The following PARD3 variants were observed in gnomAD, a reference collection of about 807,000 sequenced individuals.
The protein encoded by PARD3 is par-3 family cell polarity regulator.
Under a neutral mutation model 155.4 loss-of-function variants are expected in PARD3, and 75 were observed. The observed-to-expected ratio is 0.48, with a 90% CI of 0.40 to 0.58. The LOEUF is 0.58. Among genes scored for constraint, PARD3 ranks in the 20% least tolerant of loss-of-function variants. The probability of loss-of-function intolerance (pLI) is 0.00; values close to 1 mark genes in which losing one functional copy is unlikely to be tolerated. For synonymous variants in PARD3, 576 were observed against 610.5 expected (o/e 0.94, Z 0.83); for missense variants, 1,642 against 1,721.7 (o/e 0.95, Z 0.82).
At chr10:34,785,991 A>C (rs185705055) in intron 1 of PARD3, among the ~76,000 whole-genome samples, 2 of 152,164 alleles carry the variant, frequency 1.3e-5, no homozygotes, top group Non-Finnish European at 2.9e-5. Context: ...CTGTCTCAAA[A>C]AAAAGGAACA....
At chr10:34,639,418 G>A (rs2092594895) in intron 2 of PARD3, among the ~76,000 whole-genome samples, 1 of 151,638 alleles carries the variant, frequency 6.6e-6, no homozygotes, top group Non-Finnish European at 1.5e-5. Context: ...AAAACACAAG[G>A]AAAAAAAACA....
At chr10:34,307,042 A>G (rs922403382) in intron 20 of PARD3, among the ~76,000 whole-genome samples, 2 of 103,382 alleles carry the variant, frequency 1.9e-5, no homozygotes, top group African/African-American at 1.1e-4. Context: ...ACCCGCCACC[A>G]CGCCCGGCTA....
intron 22 of PARD3, among the ~76,000 whole-genome samples, chr10:34,267,787 T>G (rs1283614375): frequency 6.6e-6 from 1 of 152,162 alleles, no homozygotes; most frequent in Non-Finnish European, 1.5e-5. Flanking sequence ...GGACCAATGG[T>G]ACCAGCATCA....
chr10:34,340,053 A>G (rs567995564), intron 16 of PARD3, among the ~76,000 whole-genome samples: 2 of 152,332 alleles, frequency 1.3e-5, no homozygotes, highest in South Asian at 4.1e-4. Context: ...GCTGTGATTC[A>G]GAACAGCTGG....
At chr10:34,485,411 C>T (rs1484017697) in intron 3 of PARD3, among the ~76,000 whole-genome samples, 3 of 151,880 alleles carry the variant, frequency 2.0e-5, no homozygotes, top group Non-Finnish European at 4.4e-5. Context: ...ATCCTGAGAA[C>T]AATTGCCCAA....
intron 20 of PARD3, among the ~76,000 whole-genome samples, chr10:34,298,732 C>G (rs893596442): frequency 2.0e-5 from 3 of 152,152 alleles, no homozygotes; most frequent in Non-Finnish European, 4.4e-5. Flanking sequence ...AAAATGGCTA[C>G]AGTGGTAAAT....
At chr10:34,431,075 A>G (rs539316664) in intron 5 of PARD3, among the ~76,000 whole-genome samples, 1 of 152,336 alleles carries the variant, frequency 6.6e-6, no homozygotes, top group East Asian at 1.9e-4. Context: ...TGACCATTTT[A>G]GCCCAGGTTG....
intron 1 of PARD3, among the ~76,000 whole-genome samples, chr10:34,745,181 G>A (rs1025836329): frequency 3.9e-5 from 6 of 152,168 alleles, no homozygotes; most frequent in Non-Finnish European, 8.8e-5. Context: ...GGGCAACAAA[G>A]CAAGATCTCG....
In PARD3 at chr10:34,312,787, T is replaced by C. The variant is rs969330483; in HGVS notation, c.3065+4320A>G. Among the ~76,000 whole-genome samples, 29 of 152,180 alleles carry C rather than the reference T, an allele frequency of 1.9e-4. 1 individual carries two copies. The highest frequency in any genetic ancestry group is 5.9e-5 in the Non-Finnish European group (4 of 68,034). On this transcript the variant is annotated intron_variant, in intron 20 of 24. Transcript: ENST00000374788. The stretch of plus-strand genomic sequence containing the variant: ...AACAGCTAGAAATAAATCTGAGACA[T>C]GTACAATAAGGTCACGTCTAAGAAC...
At chr10:34,305,489 G>C (rs1336667532) in intron 20 of PARD3, among the ~76,000 whole-genome samples, 1 of 152,222 alleles carries the variant, frequency 6.6e-6, no homozygotes, top group Non-Finnish European at 1.5e-5. Flanking sequence ...TTTAGAAACA[G>C]AATCTTACAC....
chr10:34,179,162 G>A (rs531448901), intron 22 of PARD3, among the ~76,000 whole-genome samples: 7 of 116,256 alleles, frequency 6.0e-5, no homozygotes, highest in African/African-American at 9.1e-5. Context: ...ACGCATGTGC[G>A]TGCGCGCACA....
At chr10:34,501,735 G>A (rs573293031) in intron 3 of PARD3, among the ~76,000 whole-genome samples, 10 of 145,862 alleles carry the variant, frequency 6.9e-5, no homozygotes, top group South Asian at 2.3e-4. Context: ...CCTCCTCCCC[G>A]CCAAAAAAAA....
intron 22 of PARD3, among the ~76,000 whole-genome samples, chr10:34,250,729 T>A (rs1954258268): frequency 6.6e-6 from 1 of 151,668 alleles, no homozygotes; most frequent in South Asian, 2.1e-4. Flanking sequence ...TCAATAATAG[T>A]ACACTACATA....
chr10:34,312,852 C>T (rs181334892), intron 20 of PARD3, among the ~76,000 whole-genome samples: 16 of 152,214 alleles, frequency 1.1e-4, no homozygotes, highest in African/African-American at 1.9e-4. Flanking sequence ...GATATTCAAA[C>T]GATAACAGTT....
intron 2 of PARD3, among the ~76,000 whole-genome samples, chr10:34,635,427 G>C (rs1349698004): frequency 6.6e-6 from 1 of 152,230 alleles, no homozygotes; most frequent in Non-Finnish European, 1.5e-5. Flanking sequence ...ACATGGGAAA[G>C]TTTCTTAACT....
chr10:34,678,806 G>A (rs914082496), intron 2 of PARD3, among the ~76,000 whole-genome samples: 6 of 151,050 alleles, frequency 4.0e-5, no homozygotes, highest in South Asian at 2.1e-4. Flanking sequence ...AATTCCCCCC[G>A]CCCACCAAGA....
intron 1 of PARD3, among the ~76,000 whole-genome samples, chr10:34,801,174 A>G (rs1166330174): frequency 6.6e-6 from 1 of 152,214 alleles, no homozygotes; most frequent in Non-Finnish European, 1.5e-5. Context: ...ATACATTCCT[A>G]TCTCCCGTGC....
intron 15 of PARD3, among the ~76,000 whole-genome samples, chr10:34,346,754 A>G (rs151155846): frequency 3.0e-4 from 45 of 152,364 alleles, no homozygotes; most frequent in African/African-American, 1.0e-3. Context: ...TGTAAAAAGA[A>G]AAATGTTGAC....
rs774349500 is a variant in PARD3 at position 34,311,686 on chromosome 10, G to A, written c.3065+5421C>T. Among the ~76,000 whole-genome samples, 17 of 152,176 alleles carry A rather than the reference G, an allele frequency of 1.1e-4. No individual in the cohort carries two copies. The South Asian group carries it at 1.2e-3, about 11-fold the overall frequency. On this transcript the variant is annotated intron_variant, in intron 20 of 24. Coordinates refer to ENST00000374788, the MANE Select transcript of PARD3 (RefSeq NM_001184785.2). ...CAAAGTAGCTCTGCTTTTTTCACAC[G>A]GGAAGAACCTGCTGGTTCAGCCATC...
Sources: gnomAD v4.1 joint callset for allele counts (sites outside exome capture counted in the v4.1 genomes callset) on GRCh38, gnomAD v4.1.1 for gene constraint, MANE v1.5 for transcripts, NCBI Gene and HGNC (gene_info 2026-07-23, HGNC 2026-07-21) for gene names.